Variants in SASH1 observed in about 807,000 individuals in gnomAD.
The protein encoded by SASH1 is SAM and SH3 domain-containing protein 1.
In SASH1, 44 loss-of-function variants were observed where a neutral mutation model predicts 125.2. The ratio of observed to expected loss-of-function variants is 0.35; its 90% CI spans 0.28 to 0.45. The LOEUF (loss-of-function observed/expected upper bound fraction) is 0.45, where lower values mean the gene tolerates loss of function less well. SASH1 is among the 20% of genes least tolerant of loss of function. SASH1 has a pLI of 1.00. For missense variants in SASH1, 1,426 were observed against 1,614.5 expected (o/e 0.88, Z 2.00); for synonymous variants, 639 against 649.1 (o/e 0.98, Z 0.24).
At chr6:148,228,664 G>GTTC in the SASH1 span, among the ~76,000 whole-genome samples, 3 of 152,198 alleles carry the variant, frequency 2.0e-5, no homozygotes, top group African/African-American at 7.2e-5. Context: ...TTACCAAGGT[G>GTTC]TTCTTCAAGT....
chr6:148,286,258 G>T (rs1408757503), intron 1 of SASH1, among the ~76,000 whole-genome samples: 1 of 151,922 alleles, frequency 6.6e-6, no homozygotes, highest in East Asian at 1.9e-4. Flanking sequence ...TCCATTAGCT[G>T]GGCGTGGTGG....
the SASH1 span, among the ~76,000 whole-genome samples, chr6:148,245,037 T>C: frequency 6.6e-6 from 1 of 150,670 alleles, no homozygotes; most frequent in Non-Finnish European, 1.5e-5. Context: ...CACATTCCAT[T>C]ACCCCATGTT....
Position 148,529,384 on chromosome 6 carries a change from A to G in SASH1, c.1428+1788A>G, listed in dbSNP as rs1300783171. 1.3e-5 allele frequency among the ~76,000 whole-genome samples: 2 copies of G among 152,190 alleles called. No homozygotes were observed. The highest frequency in any genetic ancestry group is 2.9e-5 in the Non-Finnish European group (2 of 68,028). On this transcript the variant is annotated intron_variant, in intron 12 of 19. Transcript: ENST00000367467. The surrounding 1 kb of genome is among the most constrained non-coding windows in gnomAD (Gnocchi z 4.2). ...GATAGATGTCTGGACTGCCTTCAGC[A>G]TGTCTTATCCATGATTTTTTTTCTT...
intron 1 of SASH1, among the ~76,000 whole-genome samples, chr6:148,371,238 T>G (rs1178016059): frequency 6.6e-6 from 1 of 152,114 alleles, no homozygotes; most frequent in Non-Finnish European, 1.5e-5. Context: ...GATCTCTTTT[T>G]GGGCATTTTC....
intron 4 of SASH1, among the ~76,000 whole-genome samples, chr6:148,463,868 C>T (rs1777725904): frequency 6.6e-6 from 1 of 152,212 alleles, no homozygotes; most frequent in Non-Finnish European, 1.5e-5. Context: ...GAAGCCTTCT[C>T]TGTCCCATCA....
At chr6:148,287,002 A>G (rs990885417) in intron 1 of SASH1, among the ~76,000 whole-genome samples, 2 of 152,084 alleles carry the variant, frequency 1.3e-5, no homozygotes, top group Non-Finnish European at 2.9e-5. Context: ...TCCTCAGACC[A>G]CAGTGTGCTG....
chr6:148,516,872 T>C (rs543596281), intron 9 of SASH1, among the ~76,000 whole-genome samples: 4 of 152,130 alleles, frequency 2.6e-5, no homozygotes, highest in African/African-American at 9.6e-5. Context: ...AGCTCTGGAG[T>C]CCTCGGAAAG....
chr6:148,433,133 C>G (rs1776132438), intron 2 of SASH1, among the ~76,000 whole-genome samples: 1 of 152,104 alleles, frequency 6.6e-6, no homozygotes, highest in Admixed American at 6.6e-5. Context: ...GTTTGTGGAA[C>G]TATTTTTTCT....
At chr6:148,506,403 A>G (rs1779805300) in intron 8 of SASH1, among the ~76,000 whole-genome samples, 1 of 151,900 alleles carries the variant, frequency 6.6e-6, no homozygotes, top group African/African-American at 2.4e-5. Flanking sequence ...TGAACCCGGG[A>G]GGTGGAGGTT....
chr6:148,433,684 T>C (rs1395459244), intron 2 of SASH1, among the ~76,000 whole-genome samples: 1 of 152,016 alleles, frequency 6.6e-6, no homozygotes, highest in South Asian at 2.1e-4. Context: ...TGAGCCACCA[T>C]GCCCGGCCTG....
At chr6:148,397,007 T>G (rs1783983177) in intron 2 of SASH1, among the ~76,000 whole-genome samples, 1 of 152,216 alleles carries the variant, frequency 6.6e-6, no homozygotes, top group Non-Finnish European at 1.5e-5. Context: ...TTCATTAATA[T>G]TTATTCAAGT....
chr6:148,355,670 C>T (rs542879649), intron 1 of SASH1, among the ~76,000 whole-genome samples: 1 of 152,178 alleles, frequency 6.6e-6, no homozygotes, highest in Admixed American at 6.5e-5. Context: ...GGAAGAGCTT[C>T]CATAGAGACC....
rs754969136 is a variant in SASH1 at position 148,548,314 on chromosome 6, C to G, written c.3500C>G (p.Thr1167Arg). The G allele has an allele frequency of 2.5e-6, 4 of 1,612,390 alleles. No individual in the cohort carries two copies. Among genetic ancestry groups the G allele is most frequent in the African/African-American group, 1.3e-5 (1 of 74,870 alleles). The part of the protein sequence containing the change: ...HRMAIPSGGL[T>R]EICRKPVSPG... ...ATCCAGATTCCAAGTGGTGGACTCA[C>G]GGAAATCTGCCGAAAGCCCGTCTCT... is the stretch of plus-strand genomic sequence containing the variant. The change falls in exon 20 of 20, where the codon ACG becomes AGG. Residue 1167 changes from threonine to arginine, a missense_variant. This residue lies in a region of SASH1 where 634 missense variants were observed against 694.4 expected (regional missense o/e 0.91). Transcript: ENST00000367467.
chr6:148,290,742 C>T (rs1285750145), intron 1 of SASH1, among the ~76,000 whole-genome samples: 3 of 129,476 alleles, frequency 2.3e-5, no homozygotes, highest in Admixed American at 7.9e-5. Flanking sequence ...AGGCGGAAGG[C>T]GGCAGGGCCC....
chr6:148,357,854 G>A (rs186631343), intron 1 of SASH1, among the ~76,000 whole-genome samples: 45 of 152,096 alleles, frequency 3.0e-4, no homozygotes, highest in Non-Finnish European at 7.4e-5. Flanking sequence ...GAGGTCAGGC[G>A]TTCGAGACCA....
At chr6:148,477,948 C>T (rs937211972) in intron 7 of SASH1, among the ~76,000 whole-genome samples, 2 of 152,074 alleles carry the variant, frequency 1.3e-5, no homozygotes, top group Non-Finnish European at 2.9e-5. Flanking sequence ...CCACCCGCCT[C>T]GGCCTCCCAA....
chr6:148,313,398 T>C (rs1294762674), intron 1 of SASH1, among the ~76,000 whole-genome samples: 1 of 152,138 alleles, frequency 6.6e-6, no homozygotes, highest in Non-Finnish European at 1.5e-5. Flanking sequence ...TCCCTACTAA[T>C]TGGGGTACAT....
At chr6:148,498,605 A>G (rs928475445) in intron 8 of SASH1, among the ~76,000 whole-genome samples, 1 of 152,204 alleles carries the variant, frequency 6.6e-6, no homozygotes, top group Non-Finnish European at 1.5e-5. Flanking sequence ...CTTTTGACCT[A>G]TAAAAGTGGT....
the SASH1 span, among the ~76,000 whole-genome samples, chr6:148,217,466 A>G: frequency 2.6e-5 from 4 of 152,176 alleles, no homozygotes; most frequent in Non-Finnish European, 4.4e-5. Context: ...ACAGTAGCCT[A>G]TGTGGTACCG....
Sources: allele counts gnomAD v4.1 joint callset (sites outside exome capture counted in the v4.1 genomes callset), GRCh38; gene constraint gnomAD v4.1.1; regional missense constraint gnomAD v4.1.1; non-coding constraint Gnocchi (gnomAD v3.1); transcripts MANE v1.5; gene names NCBI Gene and HGNC (gene_info 2026-07-23, HGNC 2026-07-21).